The following PTPRD variants were observed in gnomAD, a reference collection of about 807,000 sequenced individuals.
The protein encoded by PTPRD is protein tyrosine phosphatase receptor type D.
A neutral mutation model predicts 214.5 loss-of-function variants in PTPRD; 34 were observed. The ratio of observed to expected loss-of-function variants is 0.16; its 90% CI spans 0.12 to 0.21. The LOEUF (loss-of-function observed/expected upper bound fraction) is 0.21, where lower values mean the gene tolerates loss of function less well. Ranked by LOEUF, PTPRD falls within the 10% of genes least tolerant of loss-of-function variation. PTPRD has a pLI of 1.00. For missense variants in PTPRD, 2,545 were observed against 2,398.7 expected, an observed-to-expected ratio of 1.06 and a Z score of -1.27; for synonymous variants, 1,128 against 845.7, an observed-to-expected ratio of 1.33 and a Z score of -5.79.
chr9:9,310,752 T>C (rs895642152), intron 9 of PTPRD, among the ~76,000 whole-genome samples: 1 of 151,824 alleles, frequency 6.6e-6, no homozygotes, highest in Non-Finnish European at 1.5e-5. Flanking sequence ...ATGCCGTCTC[T>C]ACTAAAAATA....
At chr9:10,447,523 C>T (rs1038687695) in intron 2 of PTPRD, among the ~76,000 whole-genome samples, 4 of 152,018 alleles carry the variant, frequency 2.6e-5, no homozygotes, top group African/African-American at 7.3e-5. Context: ...AATCATTCTT[C>T]AGACCAAATT....
rs549738273 is a variant in PTPRD, at chr9:9,434,682, A to G, written c.-236-37200T>C. On this transcript the variant is annotated intron_variant, in intron 8 of 45. Coordinates refer to ENST00000381196, the MANE Select transcript of PTPRD (RefSeq NM_002839.4). ...TACTGGCATAAAAATAGACAGACCA[A>G]TAGAACACAACAGAGAACCCAGAAA... 2.4e-4 allele frequency among the ~76,000 whole-genome samples: 36 copies of G among 152,176 alleles called. No homozygotes were observed. The South Asian group carries it at 6.6e-3, about 28-fold the overall frequency.
chr9:9,366,805 A>T (rs76008474), intron 9 of PTPRD, among the ~76,000 whole-genome samples: 2,284 of 151,686 alleles, frequency 0.015, 33 homozygotes, highest in Non-Finnish European at 0.026. Context: ...GTAAACATAC[A>T]TGTAATAAAA....
At chr9:9,907,138 C>CT (rs558426475) in intron 5 of PTPRD, among the ~76,000 whole-genome samples, 183 of 144,934 alleles carry the variant, frequency 1.3e-3, no homozygotes, top group African/African-American at 4.5e-3. Flanking sequence ...GTTCTGTGTC[C>CT]TTTTTTGCCT....
chr9:8,858,905 A>G (rs1219714593), intron 11 of PTPRD, among the ~76,000 whole-genome samples: 1 of 152,108 alleles, frequency 6.6e-6, no homozygotes, highest in Non-Finnish European at 1.5e-5. Flanking sequence ...GCATCCATCC[A>G]CCAGGCCAGA....
intron 8 of PTPRD, among the ~76,000 whole-genome samples, chr9:9,463,682 T>C (rs534930639): frequency 2.0e-5 from 3 of 152,268 alleles, no homozygotes; most frequent in African/African-American, 7.2e-5. Context: ...ATGCATGTTT[T>C]TTTACATGGG....
intron 8 of PTPRD, among the ~76,000 whole-genome samples, chr9:9,465,202 A>G (rs2094034616): frequency 6.6e-6 from 1 of 152,210 alleles, no homozygotes; most frequent in African/African-American, 2.4e-5. Context: ...GGTAATCATC[A>G]ATATAACAGC....
At chr9:10,267,450 T>G (rs1283716542) in intron 3 of PTPRD, among the ~76,000 whole-genome samples, 1 of 152,124 alleles carries the variant, frequency 6.6e-6, no homozygotes, top group Non-Finnish European at 1.5e-5. Flanking sequence ...AATAAAAAGA[T>G]GAATTCATAA....
chr9:8,462,107 T>C (rs1306397765), intron 32 of PTPRD, among the ~76,000 whole-genome samples: 1 of 152,064 alleles, frequency 6.6e-6, no homozygotes, highest in Non-Finnish European at 1.5e-5. Flanking sequence ...CAGATCTTCA[T>C]TTCCAATCAT....
At chr9:9,358,907 T>C (rs1422920794) in intron 9 of PTPRD, among the ~76,000 whole-genome samples, 1 of 151,332 alleles carries the variant, frequency 6.6e-6, no homozygotes, top group African/African-American at 2.4e-5. Flanking sequence ...GCATCCAACC[T>C]TACTGTTGCA....
intron 3 of PTPRD, among the ~76,000 whole-genome samples, chr9:10,089,206 A>AAAATAAATAAATAAATAAATAAATAAAT (rs34355367): frequency 7.0e-6 from 1 of 142,584 alleles, no homozygotes; most frequent in East Asian, 2.1e-4. Context: ...AATCAGTCTC[A>AAAATAAATAAATAAATAAATAAATAAAT]AAATAAATAA....
At chr9:9,948,987 G>A (rs181324956) in intron 4 of PTPRD, among the ~76,000 whole-genome samples, 2 of 150,572 alleles carry the variant, frequency 1.3e-5, no homozygotes, top group Admixed American at 1.4e-4. Context: ...TGCAATGTCA[G>A]CATGGGGGGG....
At chr9:9,244,304 A>G (rs2099971866) in intron 9 of PTPRD, among the ~76,000 whole-genome samples, 1 of 152,112 alleles carries the variant, frequency 6.6e-6, no homozygotes, top group Admixed American at 6.6e-5. Context: ...TTCATATGGA[A>G]CCAAAAAAGA....
rs1188461930 is a variant in PTPRD, at chr9:8,631,082, T to C, written c.352+2235A>G. On this transcript the variant is annotated intron_variant, in intron 14 of 45. Coordinates refer to ENST00000381196, the MANE Select transcript of PTPRD (RefSeq NM_002839.4). ...GATGAACAAATGAGCCAGATTTGGC[T>C]TCAAATATGAACACCTGAAAAATGA... 2.6e-5 allele frequency among the ~76,000 whole-genome samples: 4 copies of C among 151,892 alleles called. No individual in the cohort carries two copies. In the South Asian group the frequency reaches 8.3e-4, roughly 31 times the overall value.
chr9:10,069,819 G>A (rs1246134300), intron 3 of PTPRD, among the ~76,000 whole-genome samples: 1 of 151,890 alleles, frequency 6.6e-6, no homozygotes, highest in Non-Finnish European at 1.5e-5. Context: ...GTGTTGACAT[G>A]TTTCTGTATC....
chr9:10,078,203 A>C (rs1232639138), intron 3 of PTPRD, among the ~76,000 whole-genome samples: 2 of 151,906 alleles, frequency 1.3e-5, no homozygotes, highest in Non-Finnish European at 2.9e-5. Context: ...AAAATCATAG[A>C]TCTCAGGGTT....
chr9:10,208,488 T>G (rs1182093589), intron 3 of PTPRD, among the ~76,000 whole-genome samples: 2 of 152,242 alleles, frequency 1.3e-5, no homozygotes, highest in African/African-American at 2.4e-5. Context: ...CACTCCAGCC[T>G]GGGCGACAGA....
intron 6 of PTPRD, among the ~76,000 whole-genome samples, chr9:9,743,132 A>T (rs2098421224): frequency 6.6e-6 from 1 of 152,186 alleles, no homozygotes; most frequent in Non-Finnish European, 1.5e-5. Context: ...GCAATGGCTC[A>T]TGAGCCATAG....
At chr9:8,403,449 G>C (rs12000886) in intron 36 of PTPRD, among the ~76,000 whole-genome samples, 5,386 of 152,298 alleles carry the variant, frequency 0.035, 310 homozygotes, top group African/African-American at 0.12. Context: ...TTGACTGTTA[G>C]AGGCACAGAT....
Sources: gnomAD v4.1 joint callset for allele counts (sites outside exome capture counted in the v4.1 genomes callset) on GRCh38, gnomAD v4.1.1 for gene constraint, MANE v1.5 for transcripts, NCBI Gene and HGNC (gene_info 2026-07-23, HGNC 2026-07-21) for gene names.